The following CFHR5 variants were observed in gnomAD, a reference collection of about 807,000 sequenced individuals.
The protein encoded by CFHR5 is complement factor H related 5.
A neutral mutation model predicts 62.9 loss-of-function variants in CFHR5; 73 were observed. The ratio of observed to expected loss-of-function variants is 1.16; its 90% CI spans 0.96 to 1.41. The LOEUF (loss-of-function observed/expected upper bound fraction) is 1.41, where lower values mean the gene tolerates loss of function less well. Ranked by LOEUF, CFHR5 falls within the 40% of genes most tolerant of loss-of-function variation. The pLI is 0.00. For missense variants in CFHR5, 779 were observed against 679.9 expected (o/e 1.15, Z -1.62); for synonymous variants, 249 against 227.2 (o/e 1.10, Z -0.86).
intron 8 of CFHR5, among the ~76,000 whole-genome samples, chr1:197,002,934 T>A (rs1341120248): frequency 6.6e-6 from 1 of 152,234 alleles, no homozygotes; most frequent in Non-Finnish European, 1.5e-5. Flanking sequence ...TGTTTAAATA[T>A]GTTTAGATAT....
In CFHR5 at chr1:197,002,590, A is replaced by ATT. The variant is rs1654183098; in HGVS notation, c.1256_1257insTT (p.Glu419AspfsTer2). ...GAAAAAGTAGCTGTTCTCTGTAAAG[A>ATT]AAACTATCTACTTCCAGAAGCAAAA... On this transcript the variant is annotated frameshift_variant, in exon 8 of 10. Transcript: ENST00000256785. LOFTEE classifies it high-confidence loss of function. The ATT allele has an allele frequency of 6.2e-7, 1 of 1,613,242 alleles. No homozygotes were observed. The highest frequency in any genetic ancestry group is 1.3e-5 in the African/African-American group (1 of 74,880).
chr1:196,994,329 G>A lies in CFHR5; in HGVS notation c.607+73G>A. The A allele has an allele frequency of 4.2e-6, 5 of 1,199,610 alleles. No individual in the cohort carries two copies. The South Asian group carries it at 6.2e-5, about 15-fold the overall frequency. 74.3% of individuals were successfully genotyped at this position (1,199,610 alleles called of 1,614,324 possible). On this transcript the variant is annotated intron_variant, in intron 4 of 9. Transcript: ENST00000256785. ...ATAATGCCCATATATTTTTATTGGAGCTTATATTACATCTATAATCTGACA... is the reference window on the plus strand; with the variant it reads ...ATAATGCCCATATATTTTTATTGGAACTTATATTACATCTATAATCTGACA...
intron 9 of CFHR5, among the ~76,000 whole-genome samples, chr1:197,007,081 C>T (rs574551814): frequency 1.3e-4 from 20 of 151,806 alleles, no homozygotes; most frequent in South Asian, 4.2e-4. Flanking sequence ...ATGATCCACC[C>T]GCCTCGGCCT....
In CFHR5 at chr1:196,984,102, G is replaced by A. The variant is rs777447274; in HGVS notation, c.395G>A (p.Arg132Gln). The A allele has an allele frequency of 7.5e-6, 12 of 1,609,934 alleles. No homozygotes were observed. Among genetic ancestry groups the A allele is most frequent in the Admixed American group, 1.7e-5 (1 of 59,688 alleles). ...NNEKNISCVE[R>Q]GWSTPPICSF... ...GAGAAAAACATTTCGTGTGTAGAAC[G>A]GGGCTGGTCCACTCCTCCCATATGC... The change falls in exon 3 of 10, where the codon CGG becomes CAG. Residue 132 changes from arginine to glutamine, a missense_variant. Arg to Gln is a conservative substitution (Grantham distance 43). Coordinates refer to ENST00000256785, the MANE Select transcript of CFHR5 (RefSeq NM_030787.4).
intron 1 of CFHR5, among the ~76,000 whole-genome samples, chr1:196,980,843 A>C (rs1653524734): frequency 6.6e-6 from 1 of 152,136 alleles, no homozygotes; most frequent in Admixed American, 6.6e-5. Context: ...GTGAGAACTA[A>C]GTTATTCTGG....
chr1:196,978,054 C>A (rs1006269966), intron 1 of CFHR5, among the ~76,000 whole-genome samples: 1 of 152,116 alleles, frequency 6.6e-6, no homozygotes, highest in African/African-American at 2.4e-5. Context: ...TGCAATGCCA[C>A]TGACTAGAAA....
chr1:196,999,245 T>C (rs1654069967), intron 7 of CFHR5, among the ~76,000 whole-genome samples: 1 of 151,968 alleles, frequency 6.6e-6, no homozygotes, highest in African/African-American at 2.4e-5. Flanking sequence ...CTACAATTTG[T>C]TTAAAGCAAC....
chr1:196,995,870 G>A lies in CFHR5; in HGVS notation c.761G>A (p.Gly254Glu). The change falls in exon 5 of 10, where the codon GGA becomes GAA. Residue 254 changes from glycine to glutamate, a missense_variant. Coordinates refer to ENST00000256785, the MANE Select transcript of CFHR5 (RefSeq NM_030787.4). ...CCTAAGAAAATACAATGTGTGGATG[G>A]AGAATGGACAACTTTACCCACTTGT... ...NGPKKIQCVD[G>E]EWTTLPTCVE... 3 of 1,613,300 alleles carry A rather than the reference G, an allele frequency of 1.9e-6. No individual in the cohort carries two copies. Among genetic ancestry groups the A allele is most frequent in the Non-Finnish European group, 2.5e-6 (3 of 1,179,472 alleles).
chr1:197,007,751 A>C (rs1197155821), intron 9 of CFHR5, among the ~76,000 whole-genome samples: 1 of 147,502 alleles, frequency 6.8e-6, no homozygotes, highest in Admixed American at 6.8e-5. Context: ...ATATGTATAC[A>C]TATAATATAC....
intron 7 of CFHR5, among the ~76,000 whole-genome samples, chr1:196,999,683 GTA>G (rs35191504): frequency 0.051 from 5,595 of 110,428 alleles, 249 homozygotes; most frequent in South Asian, 0.075. Flanking sequence ...TTGGGAAAAA[GTA>G]TATATATATA....
Position 196,977,560 on chromosome 1 carries a change from C to T in CFHR5, c.-105C>T. ...TTACTAAACTAGCTTCCCCTTAGTACATTGAAATTCAAAGTCATGCTTGTA... is the reference window on the plus strand; with the variant it reads ...TTACTAAACTAGCTTCCCCTTAGTATATTGAAATTCAAAGTCATGCTTGTA... On this transcript the variant is annotated 5_prime_UTR_variant, in exon 1 of 10. Transcript: ENST00000256785. 3 of 924,354 alleles carry T rather than the reference C, an allele frequency of 3.2e-6. No individual in the cohort carries two copies. The highest frequency in any genetic ancestry group is 2.4e-5 in the East Asian group (1 of 41,486). The allele number at this position is 924,354 out of a possible 1,614,324, so 57.3% of individuals were successfully genotyped here.
intron 6 of CFHR5, 74 bp downstream of exon 6, chr1:196,996,275 T>G: frequency 8.2e-7 from 1 of 1,216,822 alleles, no homozygotes; most frequent in Non-Finnish European, 1.2e-6. Context: ...TGTATAAATC[T>G]GGCTAGAATT....
Position 196,998,217 on chromosome 1 carries a change from A to G in CFHR5, c.1060A>G (p.Arg354Gly), listed in dbSNP as rs370149020. 3.1e-6 allele frequency: 5 copies of G among 1,608,520 alleles called. No homozygotes were observed. The African/African-American group carries it at 5.4e-5, about 17-fold the overall frequency. The change falls in exon 7 of 10, where the codon AGA becomes GGA. Residue 354 changes from arginine (R) to glycine (G), a missense_variant. Coordinates refer to ENST00000256785, the MANE Select transcript of CFHR5 (RefSeq NM_030787.4). ...LSGKEFNHNS[R>G]IRYRCSDIFR... ...TGGGAAAGAATTTAATCATAATTCT[A>G]GAATACGTTACAGATGTTCAGACAT...
chr1:197,002,487 A>G lies in CFHR5; in HGVS notation c.1153A>G (p.Arg385Gly). The change falls in exon 8 of 10, where the codon AGG becomes GGG. Residue 385 changes from arginine to glycine, a missense_variant. Arg to Gly is a moderately radical substitution (Grantham distance 125). Coordinates refer to ENST00000256785, the MANE Select transcript of CFHR5 (RefSeq NM_030787.4). The part of the protein sequence containing the change: ...WNPEVDCTEK[R>G]EQFCPPPPQI... ...TTAATTCCAATATTTTGTAGAAAAAAGGGAACAATTCTGCCCACCGCCACC... is the reference window on the plus strand; with the variant it reads ...TTAATTCCAATATTTTGTAGAAAAAGGGGAACAATTCTGCCCACCGCCACC... 3.1e-6 allele frequency: 5 copies of G among 1,611,506 alleles called. No homozygotes were observed. Among genetic ancestry groups the G allele is most frequent in the Non-Finnish European group, 4.2e-6 (5 of 1,178,064 alleles).
chr1:196,984,207 A>G, intron 3 of CFHR5, 70 bp downstream of exon 3: 1 of 1,296,954 alleles, frequency 7.7e-7, no homozygotes, highest in Non-Finnish European at 1.1e-6. Flanking sequence ...TATAGATTAA[A>G]TATAGGTTAA....
intron 9 of CFHR5, among the ~76,000 whole-genome samples, chr1:197,008,066 AGAT>A (rs954107147): frequency 1.3e-5 from 2 of 149,610 alleles, no homozygotes; most frequent in African/African-American, 4.9e-5. Context: ...TCAGGGAAGA[AGAT>A]AACATTGTTT....
intron 2 of CFHR5, among the ~76,000 whole-genome samples, chr1:196,983,452 T>C (rs1571512554): frequency 3.9e-5 from 6 of 152,348 alleles, no homozygotes; most frequent in Admixed American, 3.9e-4. Flanking sequence ...CTCTTGCATA[T>C]TGCGAGGTAA....
At chr1:196,980,987 G>A (rs1653527294) in intron 1 of CFHR5, among the ~76,000 whole-genome samples, 1 of 152,090 alleles carries the variant, frequency 6.6e-6, no homozygotes, top group South Asian at 2.1e-4. Context: ...CTTTCCCTCA[G>A]TATCTTCTCC....
At chr1:196,997,158 T>A (rs1482867963) in intron 6 of CFHR5, among the ~76,000 whole-genome samples, 1 of 152,128 alleles carries the variant, frequency 6.6e-6, no homozygotes, top group Non-Finnish European at 1.5e-5. Context: ...GATAATCAAC[T>A]GGCCCACTCA....
Sources: allele counts gnomAD v4.1 joint callset (sites outside exome capture counted in the v4.1 genomes callset), GRCh38; gene constraint gnomAD v4.1.1; transcripts MANE v1.5; gene names NCBI Gene and HGNC (gene_info 2026-07-23, HGNC 2026-07-21).